The following LMTK2 variants were observed in gnomAD, a reference collection of about 807,000 sequenced individuals.
LMTK2 encodes the protein lemur tail kinase 2, also known as serine/threonine-protein kinase LMTK2.
In LMTK2, 37 loss-of-function variants were observed where a neutral mutation model predicts 127.5. That is an observed-to-expected ratio of 0.29 (90% CI 0.22 to 0.38). The LOEUF (loss-of-function observed/expected upper bound fraction) is 0.38. Among genes scored for constraint, LMTK2 ranks in the 10% least tolerant of loss-of-function variants. The pLI is 1.00. For missense variants in LMTK2, 1,694 were observed against 1,920.3 expected (o/e 0.88, Z 2.20); for synonymous variants, 819 against 810.1 (o/e 1.01, Z -0.19).
In LMTK2 at chr7:98,194,101, C is replaced by T. The variant is rs576536697; in HGVS notation, c.3636C>T (p.Gly1212=). ...TGCTGAATGCAGAACTTAGCAGCGG[C>T]GATGACTTCGAGACACAGGACGATC... The part of the protein sequence containing the change: ...WSVLNAELSS[G]DDFETQDDRP... The change falls in exon 11 of 14, where the codon GGC becomes GGT. Residue 1212 remains glycine (G), a synonymous_variant. Transcript: ENST00000297293. This position sits in a 1 kb window ranked among gnomAD's most constrained non-coding sequence, Gnocchi z 5.4. 5.0e-6 allele frequency: 8 copies of T among 1,613,946 alleles called. No homozygotes were observed. The highest frequency in any genetic ancestry group is 1.6e-4 in the Middle Eastern group (1 of 6,084).
intron 1 of LMTK2, among the ~76,000 whole-genome samples, chr7:98,121,528 G>C (rs1796360867): frequency 6.6e-6 from 1 of 151,900 alleles, no homozygotes; most frequent in South Asian, 2.1e-4. Context: ...AGCAACTCGG[G>C]AGGCTGAGGC....
At chr7:98,165,194 A>T (rs1207759930) in intron 6 of LMTK2, among the ~76,000 whole-genome samples, 1 of 152,202 alleles carries the variant, frequency 6.6e-6, no homozygotes, top group East Asian at 1.9e-4. Context: ...CACTGCCCAC[A>T]ACGGGGAGTA....
intron 11 of LMTK2, among the ~76,000 whole-genome samples, chr7:98,199,365 G>A (rs1012335891): frequency 6.6e-6 from 1 of 151,992 alleles, no homozygotes; most frequent in South Asian, 2.1e-4. Flanking sequence ...GTTTATTTTC[G>A]CTTCCTGTAT....
Position 98,141,565 on chromosome 7 carries a change from A to G in LMTK2, c.376+24A>G, listed in dbSNP as rs2116369460. On this transcript the variant is annotated intron_variant, in intron 3 of 13. Transcript: ENST00000297293. ...AGGTAAGACCATACAGCCTAATGCC[A>G]CGTTTTCATGAATTGTTTCTGAGAT... 10 of 1,604,210 alleles carry G rather than the reference A, an allele frequency of 6.2e-6. 1 individual carries two copies. The highest frequency in any genetic ancestry group is 3.3e-4 in the Middle Eastern group (2 of 6,030).
chr7:98,126,593 G>A (rs948934435), intron 1 of LMTK2: 4 of 152,354 alleles, frequency 2.6e-5, no homozygotes, highest in African/African-American at 7.2e-5. Context: ...ATTCAAGCCC[G>A]ACATTCTTTT....
chr7:98,166,507 C>T (rs1797103747), intron 6 of LMTK2, among the ~76,000 whole-genome samples: 1 of 152,054 alleles, frequency 6.6e-6, no homozygotes, highest in Non-Finnish European at 1.5e-5. Context: ...AGTGTTATTA[C>T]AAAAAGACTC....
At chr7:98,114,415 A>G (rs1031971978) in intron 1 of LMTK2, among the ~76,000 whole-genome samples, 23 of 151,504 alleles carry the variant, frequency 1.5e-4, no homozygotes, top group African/African-American at 4.9e-4. Flanking sequence ...GATGTAAAAC[A>G]TATTTTTTCT....
In LMTK2 at chr7:98,187,016, G is replaced by A. The variant is rs376052138; in HGVS notation, c.998+18G>A. 70 of 1,594,492 alleles carry A rather than the reference G, an allele frequency of 4.4e-5. 2 individuals carry two copies. In the East Asian group the frequency reaches 7.6e-4, roughly 17 times the overall value. On this transcript the variant is annotated intron_variant, in intron 9 of 13. Coordinates refer to ENST00000297293, the MANE Select transcript of LMTK2 (RefSeq NM_014916.4). ...AATATCTGGTACGTATTGGCTTACC[G>A]TTTTATTAGTCATTTCTTTGGCAAA...
Position 98,191,768 on chromosome 7 carries a change from A to G in LMTK2, c.1303A>G (p.Ser435Gly). Reference sequence around the variant, plus strand: ...GAACGCTCTGAAGCCGAACACAAACAGCAGAGACTCCTCCAACAATGCTGC... The same window carrying G: ...GAACGCTCTGAAGCCGAACACAAACGGCAGAGACTCCTCCAACAATGCTGC... ...QWNALKPNTN[S>G]RDSSNNAAFP... The change falls in exon 11 of 14, where the codon AGC (serine) becomes GGC (glycine). Residue 435 changes from serine (S) to glycine (G), a missense_variant. Around this residue, in one of 8 missense-constraint regions of LMTK2, gnomAD observed 216 missense variants for 266.8 expected, o/e 0.81. Coordinates refer to ENST00000297293, the MANE Select transcript of LMTK2 (RefSeq NM_014916.4). The G allele has an allele frequency of 6.2e-7, 1 of 1,614,156 alleles. No individual in the cohort carries two copies. The highest frequency in any genetic ancestry group is 1.1e-5 in the South Asian group (1 of 91,084).
At position 98,193,662 on chromosome 7, in the gene LMTK2, G is replaced by A. The variant is rs1353985155; in HGVS notation, c.3197G>A (p.Gly1066Asp). The change falls in exon 11 of 14, where the codon GGT (glycine) becomes GAT (aspartate). Residue 1066 changes from glycine (G) to aspartate (D), a missense_variant. By Grantham distance (94) the Gly-to-Asp change is moderately conservative (BLOSUM62 -1). Around this residue, in one of 8 missense-constraint regions of LMTK2, gnomAD observed 65 missense variants for 116.5 expected, o/e 0.56. Transcript: ENST00000297293. The surrounding 1 kb of genome is among the most constrained non-coding windows in gnomAD (Gnocchi z 4.1). ...PATTGDGGHS[G>D]LPPNPVIVIS... ...ACCACGGGCGATGGCGGCCACAGCG[G>A]TCTGCCTCCCAACCCGGTCATTGTC... 1 of 1,613,802 alleles carries A rather than the reference G, an allele frequency of 6.2e-7. No individual in the cohort carries two copies. Among genetic ancestry groups the A allele is most frequent in the Non-Finnish European group, 8.5e-7 (1 of 1,179,928 alleles).
At chr7:98,188,485 A>G (rs1797473401) in intron 9 of LMTK2, among the ~76,000 whole-genome samples, 1 of 152,046 alleles carries the variant, frequency 6.6e-6, no homozygotes, top group Non-Finnish European at 1.5e-5. Flanking sequence ...TTTAGTAGAG[A>G]CGAGGTCATG....
At chr7:98,144,999 T>G (rs527496977) in intron 3 of LMTK2, among the ~76,000 whole-genome samples, 9 of 152,296 alleles carry the variant, frequency 5.9e-5, no homozygotes, top group Admixed American at 3.9e-4. Context: ...TGCAGGTGGT[T>G]GTTGTACTGG....
chr7:98,134,912 T>C (rs1449204982), intron 1 of LMTK2, among the ~76,000 whole-genome samples: 1 of 152,238 alleles, frequency 6.6e-6, no homozygotes, highest in African/African-American at 2.4e-5. Context: ...AGCACCGAGT[T>C]ACCTCCTGTG....
intron 9 of LMTK2, 37 bp downstream of exon 9, chr7:98,187,035 T>C (rs1356621431): frequency 6.3e-7 from 1 of 1,588,628 alleles, no homozygotes; most frequent in Admixed American, 1.8e-5. Flanking sequence ...GTCATTTCTT[T>C]GGCAAAGTCC....
At chr7:98,172,327 C>T (rs1249038594) in intron 7 of LMTK2, among the ~76,000 whole-genome samples, 7 of 137,174 alleles carry the variant, frequency 5.1e-5, no homozygotes, top group Admixed American at 2.3e-4. Flanking sequence ...TTTTTTGAGA[C>T]GGAGTCTTGC....
At chr7:98,157,782 A>G (rs891242822) in intron 5 of LMTK2, among the ~76,000 whole-genome samples, 13 of 152,252 alleles carry the variant, frequency 8.5e-5, no homozygotes, top group African/African-American at 3.1e-4. Flanking sequence ...TTAGAATGAG[A>G]ACATTCTAGA....
chr7:98,116,739 A>C (rs1049554030), intron 1 of LMTK2, among the ~76,000 whole-genome samples: 1 of 152,232 alleles, frequency 6.6e-6, no homozygotes, highest in Non-Finnish European at 1.5e-5. Flanking sequence ...AAATAAGTCC[A>C]CAGCTTGTTC....
chr7:98,165,663 G>A (rs1349197801), intron 6 of LMTK2, among the ~76,000 whole-genome samples: 4 of 152,080 alleles, frequency 2.6e-5, no homozygotes, highest in African/African-American at 9.7e-5. Context: ...TTTAGAATTG[G>A]CCTCTTTGGT....
In LMTK2 at chr7:98,122,261, C is replaced by T. The variant is rs1021892234; in HGVS notation, c.103+14981C>T. Among the ~76,000 whole-genome samples, 4 of 151,696 alleles carry T rather than the reference C, an allele frequency of 2.6e-5. No individual in the cohort carries two copies. The East Asian group carries it at 7.7e-4, about 29-fold the overall frequency. ...GGGGGGTGCATGTGCAGGTTTGTCA[C>T]GTGGGTAAATTGCATGTCGTGGGGA... On this transcript the variant is annotated intron_variant, in intron 1 of 13. Transcript: ENST00000297293.
Sources: gnomAD v4.1 joint callset for allele counts (sites outside exome capture counted in the v4.1 genomes callset) on GRCh38, gnomAD v4.1.1 for gene constraint, gnomAD v4.1.1 regional missense constraint, Gnocchi (gnomAD v3.1) non-coding constraint, MANE v1.5 for transcripts, NCBI Gene and HGNC (gene_info 2026-07-23, HGNC 2026-07-21) for gene names.